Variants in SLCO1B3 observed in about 807,000 individuals in gnomAD.
The protein encoded by SLCO1B3 is solute carrier organic anion transporter family member 1B3.
A neutral mutation model predicts 71.8 loss-of-function variants in SLCO1B3; 72 were observed. The ratio of observed to expected loss-of-function variants is 1.00; its 90% CI spans 0.83 to 1.22. The LOEUF is 1.22. SLCO1B3 is among the 50% of genes most tolerant of loss of function. The pLI is 0.00. For synonymous variants in SLCO1B3, 298 were observed against 278.4 expected (o/e 1.07, Z -0.70); for missense variants, 911 against 819.7 (o/e 1.11, Z -1.36).
chr12:20,895,333 C>G (rs1218265609), intron 13 of SLCO1B3, among the ~76,000 whole-genome samples: 2 of 152,178 alleles, frequency 1.3e-5, no homozygotes, highest in African/African-American at 2.4e-5. Flanking sequence ...TCCCTTCCAC[C>G]TATGCACTTG....
chr12:20,834,489 A>G (rs1864629616), intron 3 of SLCO1B3, among the ~76,000 whole-genome samples: 1 of 147,718 alleles, frequency 6.8e-6, no homozygotes, highest in African/African-American at 2.5e-5. Flanking sequence ...ATTATAATAT[A>G]TATTATGATA....
intron 13 of SLCO1B3, among the ~76,000 whole-genome samples, chr12:20,889,120 G>A (rs1293865145): frequency 7.0e-6 from 1 of 142,200 alleles, no homozygotes; most frequent in Non-Finnish European, 1.5e-5. Context: ...GAGGATATTT[G>A]GATCTATGTT....
chr12:20,826,957 G>A (rs1230407338), intron 3 of SLCO1B3, among the ~76,000 whole-genome samples: 1 of 151,850 alleles, frequency 6.6e-6, no homozygotes, highest in Non-Finnish European at 1.5e-5. Context: ...GATTATAAAT[G>A]GTCATCATTT....
At chr12:20,850,177 G>A (rs2121205391) in intron 3 of SLCO1B3, among the ~76,000 whole-genome samples, 1 of 150,452 alleles carries the variant, frequency 6.6e-6, no homozygotes, top group Admixed American at 6.6e-5. Flanking sequence ...TTAACTTCAG[G>A]GGTACATGTA....
At chr12:20,868,653 CA>C (rs1865417699) in intron 8 of SLCO1B3, among the ~76,000 whole-genome samples, 1 of 95,038 alleles carries the variant, frequency 1.1e-5, no homozygotes, top group Non-Finnish European at 2.7e-5. Context: ...GAAATAAAGA[CA>C]CAAGACAAAG....
chr12:20,827,512 T>C (rs1864447862), intron 3 of SLCO1B3, among the ~76,000 whole-genome samples: 1 of 152,210 alleles, frequency 6.6e-6, no homozygotes, highest in Admixed American at 6.5e-5. Flanking sequence ...AAAGTAGATC[T>C]TAAAGATTCA....
intron 15 of SLCO1B3, among the ~76,000 whole-genome samples, chr12:20,902,558 G>T (rs1866150142): frequency 6.6e-6 from 1 of 152,174 alleles, no homozygotes; most frequent in Non-Finnish European, 1.5e-5. Flanking sequence ...ACTTGTGGGT[G>T]CAGAGTGAGA....
intron 3 of SLCO1B3, 106 bp from the exon 4 acceptor site, chr12:20,854,922 T>C: frequency 9.6e-7 from 1 of 1,045,960 alleles, no homozygotes; most frequent in Non-Finnish European, 1.4e-6. Flanking sequence ...TTTTTTATGA[T>C]AATGTTTTCG....
At chr12:20,844,299 G>A (rs147869012) in intron 3 of SLCO1B3, among the ~76,000 whole-genome samples, 197 of 152,106 alleles carry the variant, frequency 1.3e-3, no homozygotes, top group Non-Finnish European at 2.0e-3. Flanking sequence ...AGGCGCAGTG[G>A]CTCCTCCGTG....
At chr12:20,852,797 C>G (rs1865051266) in intron 3 of SLCO1B3, among the ~76,000 whole-genome samples, 1 of 151,942 alleles carries the variant, frequency 6.6e-6, no homozygotes, top group Admixed American at 6.6e-5. Context: ...TGCAACTTTG[C>G]TAAATGTGTT....
chr12:20,865,386 A>G (rs912837437), intron 8 of SLCO1B3, among the ~76,000 whole-genome samples: 14 of 152,228 alleles, frequency 9.2e-5, no homozygotes, highest in Admixed American at 5.2e-4. Context: ...TTTCATGTCA[A>G]TGATTTTTCT....
intron 15 of SLCO1B3, among the ~76,000 whole-genome samples, chr12:20,911,842 C>T (rs751424583): frequency 3.9e-5 from 6 of 152,050 alleles, no homozygotes; most frequent in Admixed American, 2.0e-4. Flanking sequence ...ATTAGCCTGG[C>T]AAGGGACTCC....
At chr12:20,826,288 G>C (rs1002020168) in intron 3 of SLCO1B3, among the ~76,000 whole-genome samples, 5 of 151,952 alleles carry the variant, frequency 3.3e-5, no homozygotes, top group African/African-American at 1.2e-4. Flanking sequence ...AATTACAGAA[G>C]CTATTGACAA....
intron 10 of SLCO1B3, 26 bp downstream of exon 10, chr12:20,877,962 C>T (rs900933537): frequency 2.6e-6 from 4 of 1,516,472 alleles, no homozygotes; most frequent in East Asian, 2.5e-5. Flanking sequence ...TACCTGTTTG[C>T]TTGATAAATG....
chr12:20,821,533 A>G (rs1247069153), intron 3 of SLCO1B3, among the ~76,000 whole-genome samples: 3 of 150,358 alleles, frequency 2.0e-5, no homozygotes, highest in Admixed American at 6.6e-5. Flanking sequence ...CTTGCCCTCC[A>G]GAAAAGCAGA....
chr12:20,811,933 G>A (rs1864116950), intron 1 of SLCO1B3, among the ~76,000 whole-genome samples: 1 of 126,162 alleles, frequency 7.9e-6, no homozygotes, highest in Non-Finnish European at 1.6e-5. Flanking sequence ...TTGAGAAGGA[G>A]TTTCGCTCTT....
intron 3 of SLCO1B3, among the ~76,000 whole-genome samples, chr12:20,817,736 C>T (rs1043664343): frequency 4.6e-5 from 7 of 151,752 alleles, no homozygotes; most frequent in South Asian, 2.1e-4. Flanking sequence ...TACAGGCACC[C>T]GCCACCACAC....
At chr12:20,874,095 G>T (rs1477792070) in intron 8 of SLCO1B3, among the ~76,000 whole-genome samples, 1 of 152,130 alleles carries the variant, frequency 6.6e-6, no homozygotes, top group East Asian at 1.9e-4. Flanking sequence ...ATAATATAAT[G>T]ATTTATATTC....
chr12:20,890,876 C>T (rs1349592752), intron 13 of SLCO1B3, among the ~76,000 whole-genome samples: 1 of 151,714 alleles, frequency 6.6e-6, no homozygotes, highest in African/African-American at 2.4e-5. Context: ...CTTTTTGCAC[C>T]CCTTTGGTTT....
Sources: allele counts gnomAD v4.1 joint callset (sites outside exome capture counted in the v4.1 genomes callset), GRCh38; gene constraint gnomAD v4.1.1; transcripts MANE v1.5; gene names NCBI Gene and HGNC (gene_info 2026-07-23, HGNC 2026-07-21).